Variants in ZNF609 observed in about 807,000 individuals in gnomAD.
ZNF609 encodes the protein zinc finger protein 609.
In ZNF609, 11 loss-of-function variants were observed where a neutral mutation model predicts 109.5. The observed-to-expected ratio is 0.10, with a 90% confidence interval of 0.06 to 0.17. ZNF609 has a LOEUF of 0.17. Ranked by LOEUF, ZNF609 falls within the 10% of genes least tolerant of loss-of-function variation. The pLI is 1.00. For synonymous variants in ZNF609, 646 were observed against 662.0 expected (o/e 0.98, Z 0.37); for missense variants, 1,559 against 1,772.4 (o/e 0.88, Z 2.16).
At chr15:64,671,226 A>AAAAAAG (rs1896725462) in intron 4 of ZNF609, 1 of 151,268 alleles carries the variant, frequency 6.6e-6, no homozygotes, top group Non-Finnish European at 1.5e-5. Context: ...AAAAAAAAAA[A>AAAAAAG]AAAAAATTAA....
At chr15:64,661,690 T>G (rs1215496232) in intron 3 of ZNF609, among the ~76,000 whole-genome samples, 2 of 152,218 alleles carry the variant, frequency 1.3e-5, no homozygotes, top group East Asian at 3.9e-4. Flanking sequence ...TTATTTATCC[T>G]TATTCTCTAG....
intron 2 of ZNF609, among the ~76,000 whole-genome samples, chr15:64,607,043 C>T (rs1415393666): frequency 6.6e-6 from 1 of 152,114 alleles, no homozygotes; most frequent in East Asian, 1.9e-4. Context: ...ACTCGGGAGG[C>T]TGAGGCAGGA....
Position 64,680,647 on chromosome 15 carries a change from T to G in ZNF609, c.3947T>G (p.Ile1316Arg). The G allele has an allele frequency of 6.3e-7, 1 of 1,584,152 alleles. No individual in the cohort carries two copies. Among genetic ancestry groups the G allele is most frequent in the Non-Finnish European group, 8.6e-7 (1 of 1,164,264 alleles). The change falls in exon 8 of 10, where the codon ATA becomes AGA. Residue 1316 changes from isoleucine to arginine, a missense_variant and splice_region_variant. Physicochemically the swap from Ile to Arg is moderately conservative, Grantham distance 97. Coordinates refer to ENST00000326648, the MANE Select transcript of ZNF609 (RefSeq NM_015042.2). ...TTGTGTCTCTGGTTTCCTTTCCAGA[T>G]AAGTGATAAAACTTCTCAGGAGAGA... ...ASHYKSKSPT[I>R]SDKTSQERDR...
At chr15:64,663,473 A>G (rs1449444216) in intron 3 of ZNF609, among the ~76,000 whole-genome samples, 4 of 152,130 alleles carry the variant, frequency 2.6e-5, no homozygotes, top group African/African-American at 9.7e-5. Flanking sequence ...TTTGGAACAT[A>G]TTAAGTTTGA....
intron 3 of ZNF609, among the ~76,000 whole-genome samples, chr15:64,650,900 G>A (rs1011564419): frequency 2.6e-4 from 38 of 147,736 alleles, no homozygotes; most frequent in African/African-American, 9.1e-4. Flanking sequence ...GTGGGGGGGG[G>A]ATCCTTTGTC....
At chr15:64,666,599 C>A (rs1156866216) in intron 3 of ZNF609, among the ~76,000 whole-genome samples, 2 of 151,868 alleles carry the variant, frequency 1.3e-5, no homozygotes, top group African/African-American at 4.8e-5. Flanking sequence ...TCCTTGAACA[C>A]CTCCTGGGTT....
At chr15:64,597,148 C>T (rs1895410053) in intron 2 of ZNF609, among the ~76,000 whole-genome samples, 1 of 152,076 alleles carries the variant, frequency 6.6e-6, no homozygotes, top group African/African-American at 2.4e-5. Flanking sequence ...CCACCAGAAA[C>T]CTCTTTCAGG....
chr15:64,525,835 G>A (rs1893960991), intron 2 of ZNF609, among the ~76,000 whole-genome samples: 1 of 151,652 alleles, frequency 6.6e-6, no homozygotes, highest in Admixed American at 6.6e-5. Flanking sequence ...CCAGGCAGGG[G>A]TACAGTGGCA....
intron 1 of ZNF609, among the ~76,000 whole-genome samples, chr15:64,462,531 G>T (rs1329846300): frequency 6.6e-6 from 1 of 152,212 alleles, no homozygotes; most frequent in African/African-American, 2.4e-5. Context: ...CACTTTGGGA[G>T]AATGAAGCCA....
intron 3 of ZNF609, chr15:64,643,770 A>G (rs1327681672): frequency 1.3e-5 from 2 of 152,148 alleles, no homozygotes; most frequent in East Asian, 3.8e-4. Context: ...TTTTCTGACC[A>G]AGCTAAGGAA....
At chr15:64,541,244 G>C (rs937948512) in intron 2 of ZNF609, among the ~76,000 whole-genome samples, 1 of 145,536 alleles carries the variant, frequency 6.9e-6, no homozygotes, top group Non-Finnish European at 1.5e-5. Flanking sequence ...TGGCTAACAC[G>C]GTGAAACCCC....
At chr15:64,619,954 T>A (rs1340055448) in intron 2 of ZNF609, among the ~76,000 whole-genome samples, 2 of 152,226 alleles carry the variant, frequency 1.3e-5, no homozygotes, top group Admixed American at 1.3e-4. Context: ...CCAGGAGCAC[T>A]GAATAACCTA....
intron 2 of ZNF609, chr15:64,593,118 C>T (rs886661945): frequency 5.0e-6 from 8 of 1,591,724 alleles, no homozygotes; most frequent in Non-Finnish European, 4.3e-6. Flanking sequence ...ATAGTGGAGT[C>T]CGCAGCAGTC....
intron 3 of ZNF609, among the ~76,000 whole-genome samples, chr15:64,669,351 G>T (rs1366889111): frequency 2.6e-5 from 4 of 152,192 alleles, no homozygotes; most frequent in Non-Finnish European, 4.4e-5. Flanking sequence ...AAAGAATGAA[G>T]TAGTTCTCTG....
At chr15:64,597,496 T>C (rs1237621610) in intron 2 of ZNF609, among the ~76,000 whole-genome samples, 2 of 152,136 alleles carry the variant, frequency 1.3e-5, no homozygotes, top group African/African-American at 4.8e-5. Context: ...TTCTGACAGT[T>C]CCCAATGACA....
At chr15:64,556,526 G>A (rs1894590564) in intron 2 of ZNF609, among the ~76,000 whole-genome samples, 1 of 152,052 alleles carries the variant, frequency 6.6e-6, no homozygotes, top group African/African-American at 2.4e-5. Flanking sequence ...TTATCTATTT[G>A]CATTTTATAG....
At chr15:64,504,934 C>T (rs1243021683) in intron 2 of ZNF609, among the ~76,000 whole-genome samples, 2 of 152,156 alleles carry the variant, frequency 1.3e-5, no homozygotes, top group Admixed American at 6.5e-5. Flanking sequence ...GCTGGGACTA[C>T]AAGTGTGTGC....
At chr15:64,524,608 C>T (rs150364298) in intron 2 of ZNF609, among the ~76,000 whole-genome samples, 82 of 150,944 alleles carry the variant, frequency 5.4e-4, no homozygotes, top group African/African-American at 1.9e-3. Flanking sequence ...TGACTCCTTT[C>T]ACTTAGCATA....
intron 2 of ZNF609, among the ~76,000 whole-genome samples, chr15:64,608,360 T>C (rs1895647240): frequency 6.6e-6 from 1 of 152,210 alleles, no homozygotes; most frequent in Non-Finnish European, 1.5e-5. Flanking sequence ...TTCCTAGGTT[T>C]CCCCAATGAT....
Sources: allele counts gnomAD v4.1 joint callset (sites outside exome capture counted in the v4.1 genomes callset), GRCh38; gene constraint gnomAD v4.1.1; transcripts MANE v1.5; gene names NCBI Gene and HGNC (gene_info 2026-07-23, HGNC 2026-07-21).